Variants in KIAA1671 observed in about 807,000 individuals in gnomAD.
The protein encoded by KIAA1671 is uncharacterized protein KIAA1671.
KIAA1671 carries 52 observed loss-of-function variants against 131.2 expected under a neutral mutation model. The ratio of observed to expected loss-of-function variants is 0.40; its 90% CI spans 0.32 to 0.50. The LOEUF (loss-of-function observed/expected upper bound fraction) is 0.50, where lower values mean the gene tolerates loss of function less well. Ranked by LOEUF, KIAA1671 falls within the 20% of genes least tolerant of loss-of-function variation. The probability of loss-of-function intolerance (pLI) is 0.73; values close to 1 mark genes in which losing one functional copy is unlikely to be tolerated. For missense variants in KIAA1671, 2,360 were observed against 2,364.2 expected (o/e 1.00, Z 0.04); for synonymous variants, 1,003 against 961.6 (o/e 1.04, Z -0.80).
chr22:25,185,296 A>G (rs913669821), intron 11 of KIAA1671, 177 bp downstream of exon 11: 8 of 730,330 alleles, frequency 1.1e-5, no homozygotes, highest in Admixed American at 6.8e-5. Flanking sequence ...AAAAAGTACA[A>G]CAGAGGCCGG....
At chr22:24,992,676 G>A (rs941462903) in intron 1 of KIAA1671, among the ~76,000 whole-genome samples, 20 of 151,870 alleles carry the variant, frequency 1.3e-4, no homozygotes, top group Non-Finnish European at 2.6e-4. Context: ...TTAGGCGGGT[G>A]TGGTGGTGCA....
intron 6 of KIAA1671, among the ~76,000 whole-genome samples, chr22:25,142,803 AG>A (rs2053935641): frequency 1.3e-5 from 2 of 152,352 alleles, no homozygotes; most frequent in South Asian, 4.1e-4. Context: ...CGGGAGGTAG[AG>A]GTTGCAGTGA....
intron 9 of KIAA1671, among the ~76,000 whole-genome samples, chr22:25,179,802 C>T (rs1335139992): frequency 6.6e-6 from 1 of 152,138 alleles, no homozygotes; most frequent in East Asian, 1.9e-4. Flanking sequence ...TAGGTTTGCT[C>T]GCTGGTCTTT....
intron 6 of KIAA1671, among the ~76,000 whole-genome samples, chr22:25,068,108 G>T (rs1284868818): frequency 1.3e-5 from 2 of 151,528 alleles, no homozygotes; most frequent in Non-Finnish European, 3.0e-5. Context: ...CTGTCAGCTG[G>T]TGAGCAGGGC....
intron 6 of KIAA1671, among the ~76,000 whole-genome samples, chr22:25,120,927 T>C (rs1931905953): frequency 6.6e-6 from 1 of 152,156 alleles, no homozygotes; most frequent in African/African-American, 2.4e-5. Flanking sequence ...GCATGTGTAC[T>C]TCTTCATCTG....
intron 4 of KIAA1671, among the ~76,000 whole-genome samples, chr22:25,033,696 A>C (rs1926429001): frequency 2.1e-5 from 3 of 144,772 alleles, no homozygotes; most frequent in Non-Finnish European, 1.5e-5. Context: ...CTCCTGCCTC[A>C]GCCTCCCAAG....
chr22:25,108,959 G>A (rs540207152), intron 6 of KIAA1671, among the ~76,000 whole-genome samples: 1 of 152,254 alleles, frequency 6.6e-6, no homozygotes, highest in South Asian at 2.1e-4. Context: ...CTGTTTGCTG[G>A]GGGCCTCAGA....
At chr22:25,093,883 T>C (rs893152711) in intron 6 of KIAA1671, among the ~76,000 whole-genome samples, 6 of 141,040 alleles carry the variant, frequency 4.3e-5, no homozygotes, top group Admixed American at 7.2e-5. Context: ...TCTCTCTCTC[T>C]CTCCCTTCTG....
chr22:25,049,099 T>G (rs981337663), intron 5 of KIAA1671, 131 bp from the exon 6 acceptor site: 3 of 1,113,444 alleles, frequency 2.7e-6, no homozygotes, highest in Non-Finnish European at 3.7e-6. Flanking sequence ...ATCATTAAAG[T>G]GGGGGATTTC....
At chr22:25,074,175 A>C (rs1928974483) in intron 6 of KIAA1671, among the ~76,000 whole-genome samples, 2 of 144,776 alleles carry the variant, frequency 1.4e-5, no homozygotes, top group Non-Finnish European at 3.1e-5. Flanking sequence ...GTATGTGTAG[A>C]TATATATAGA....
chr22:25,051,651 T>C (rs1296522648), intron 6 of KIAA1671: 1 of 152,176 alleles, frequency 6.6e-6, no homozygotes, highest in Non-Finnish European at 1.5e-5. Flanking sequence ...AATTCTCTTT[T>C]TATAAAAGGG....
chr22:25,035,691 C>CT (rs1926549715), intron 4 of KIAA1671, among the ~76,000 whole-genome samples: 2 of 152,088 alleles, frequency 1.3e-5, no homozygotes, highest in African/African-American at 4.8e-5. Context: ...GCAGCAAGGG[C>CT]AAAAAGGCTG....
At chr22:25,065,616 C>CT (rs1301938599) in intron 6 of KIAA1671, among the ~76,000 whole-genome samples, 1 of 151,680 alleles carries the variant, frequency 6.6e-6, no homozygotes, top group East Asian at 1.9e-4. Context: ...CATTTTTCAA[C>CT]TTTTTTTAAA....
intron 6 of KIAA1671, among the ~76,000 whole-genome samples, chr22:25,094,873 C>T (rs1008464539): frequency 2.0e-5 from 3 of 152,144 alleles, no homozygotes; most frequent in Non-Finnish European, 4.4e-5. Flanking sequence ...CTCTCTCCCT[C>T]CTCCCTCCCT....
intron 1 of KIAA1671, among the ~76,000 whole-genome samples, chr22:24,959,071 G>A (rs763764708): frequency 6.6e-6 from 1 of 151,948 alleles, no homozygotes; most frequent in Non-Finnish European, 1.5e-5. Context: ...GCTGAGACAG[G>A]AGCATTGCTT....
rs181958084 is a variant in KIAA1671 at position 25,075,546 on chromosome 22, C to T, written c.4530+26182C>T. Among the ~76,000 whole-genome samples, 366 of 151,798 alleles carry T rather than the reference C, an allele frequency of 2.4e-3. 1 individual carries two copies. The highest frequency in any genetic ancestry group is 7.6e-3 in the African/African-American group (315 of 41,334). On this transcript the variant is annotated intron_variant, in intron 6 of 12. Coordinates refer to ENST00000358431, the MANE Select transcript of KIAA1671 (RefSeq NM_001145206.2). ...AGTCTCTGTCACCCAGGCTGGAGTG[C>T]AGTGGCGTGATCTCGGCTCACTGCA...
intron 1 of KIAA1671, among the ~76,000 whole-genome samples, chr22:24,966,275 A>C (rs1169974161): frequency 1.3e-5 from 2 of 152,180 alleles, no homozygotes; most frequent in East Asian, 3.8e-4. Flanking sequence ...CCGATGGCTT[A>C]GCGAGCACTG....
chr22:25,165,290 A>AG (rs1933608496), intron 6 of KIAA1671, among the ~76,000 whole-genome samples: 1 of 152,134 alleles, frequency 6.6e-6, no homozygotes, highest in African/African-American at 2.4e-5. Flanking sequence ...ATTCACCATA[A>AG]CCTGCTTTGA....
chr22:25,018,147 C>T (rs1925439828), intron 1 of KIAA1671, among the ~76,000 whole-genome samples: 1 of 152,030 alleles, frequency 6.6e-6, no homozygotes, highest in African/African-American at 2.4e-5. Context: ...CTGTCTGCCC[C>T]CATCAGGGCA....
Sources: gnomAD v4.1 joint callset for allele counts (sites outside exome capture counted in the v4.1 genomes callset) on GRCh38, gnomAD v4.1.1 for gene constraint, MANE v1.5 for transcripts, NCBI Gene and HGNC (gene_info 2026-07-23, HGNC 2026-07-21) for gene names.